The following CFAP299 variants were observed in gnomAD, a reference collection of about 807,000 sequenced individuals.
CFAP299 encodes cilia- and flagella-associated protein 299.
CFAP299 carries 21 observed loss-of-function variants against 27.0 expected under a neutral mutation model. That is an observed-to-expected ratio of 0.78 (90% CI 0.55 to 1.12). CFAP299 has a LOEUF of 1.12. Among genes scored for constraint, CFAP299 ranks in the 50% most tolerant of loss-of-function variants. CFAP299 has a pLI of 0.00. For synonymous variants in CFAP299, 104 were observed against 98.1 expected (o/e 1.06, Z -0.36); for missense variants, 310 against 276.6 (o/e 1.12, Z -0.86).
At chr4:80,613,242 AG>A (rs1738091600) in intron 3 of CFAP299, among the ~76,000 whole-genome samples, 1 of 152,118 alleles carries the variant, frequency 6.6e-6, no homozygotes, top group Non-Finnish European at 1.5e-5. Flanking sequence ...TTGTGCAGGA[AG>A]TAGAAAATTC....
intron 2 of CFAP299, among the ~76,000 whole-genome samples, chr4:80,562,367 G>A (rs1165861790): frequency 1.3e-5 from 2 of 152,016 alleles, no homozygotes; most frequent in African/African-American, 4.8e-5. Flanking sequence ...GGAGGCCAAG[G>A]AGGGCAGATC....
chr4:80,389,634 A>C (rs970762200), intron 2 of CFAP299, among the ~76,000 whole-genome samples: 1 of 152,184 alleles, frequency 6.6e-6, no homozygotes, highest in Admixed American at 6.5e-5. Context: ...TGACTCTATC[A>C]TTGAGAAAAC....
chr4:80,960,104 T>C (rs979511101), intron 5 of CFAP299, among the ~76,000 whole-genome samples: 2 of 149,760 alleles, frequency 1.3e-5, no homozygotes, highest in African/African-American at 2.5e-5. Context: ...GCAGATTACA[T>C]AGGAAGTTAA....
intron 2 of CFAP299, among the ~76,000 whole-genome samples, chr4:80,484,856 G>C (rs78493965): frequency 1.8e-4 from 27 of 152,206 alleles, no homozygotes; most frequent in African/African-American, 4.8e-4. Flanking sequence ...TGTGTCCTAT[G>C]TGAACTATGT....
At chr4:80,580,648 G>C (rs1018043644) in intron 2 of CFAP299, among the ~76,000 whole-genome samples, 1 of 151,860 alleles carries the variant, frequency 6.6e-6, no homozygotes, top group African/African-American at 2.4e-5. Flanking sequence ...TTTCTTTCCT[G>C]CTCTTATTTT....
chr4:80,640,864 A>T (rs1264489934), intron 3 of CFAP299, among the ~76,000 whole-genome samples: 3 of 152,210 alleles, frequency 2.0e-5, no homozygotes, highest in Non-Finnish European at 2.9e-5. Context: ...GCACATTATC[A>T]ATTACTTTGC....
Position 80,807,860 on chromosome 4 carries a change from G to C in CFAP299, c.334-62133G>C, listed in dbSNP as rs575687735. ...GTAAAAACATCATAACCCATTTCAA[G>C]GTGTGTCATAATTAAAGGGCAGGGA... On this transcript the variant is annotated intron_variant, in intron 3 of 5. Transcript: ENST00000358105. Among the ~76,000 whole-genome samples the C allele has an allele frequency of 2.0e-5, 3 of 152,046 alleles. No homozygotes were observed. In the South Asian group the frequency reaches 6.2e-4, roughly 32 times the overall value.
At chr4:80,397,119 G>A (rs1440278385) in intron 2 of CFAP299, among the ~76,000 whole-genome samples, 1 of 151,998 alleles carries the variant, frequency 6.6e-6, no homozygotes, top group Non-Finnish European at 1.5e-5. Context: ...GAGGGTGTAT[G>A]TGTCCAGGAA....
chr4:80,887,574 T>C (rs1344849005), intron 4 of CFAP299, among the ~76,000 whole-genome samples: 2 of 151,898 alleles, frequency 1.3e-5, no homozygotes, highest in Non-Finnish European at 2.9e-5. Flanking sequence ...CTAGAAGAAA[T>C]GCTAAAGAGA....
chr4:80,435,631 G>A (rs1454158464), intron 2 of CFAP299, among the ~76,000 whole-genome samples: 1 of 152,170 alleles, frequency 6.6e-6, no homozygotes, highest in African/African-American at 2.4e-5. Flanking sequence ...TGGCAAGGGA[G>A]GACACAAGAT....
At chr4:80,945,032 T>A in intron 5 of CFAP299, 93 bp downstream of exon 5, 1 of 1,213,272 alleles carries the variant, frequency 8.2e-7, no homozygotes. Flanking sequence ...TTGACACTCT[T>A]AAGTTGTTAA....
chr4:80,833,046 G>A (rs534671671), intron 3 of CFAP299, among the ~76,000 whole-genome samples: 38 of 151,932 alleles, frequency 2.5e-4, no homozygotes, highest in South Asian at 1.7e-3. Context: ...AAAGTATTAC[G>A]TTTTGTGATT....
Position 80,605,251 on chromosome 4 carries a change from T to A in CFAP299, c.333+22068T>A, listed in dbSNP as rs148486143. Among the ~76,000 whole-genome samples the A allele has an allele frequency of 6.8e-3, 1,035 of 152,298 alleles. 13 individuals carry two copies. The highest frequency in any genetic ancestry group is 0.024 in the African/African-American group (993 of 41,566). Reference sequence around the variant, plus strand: ...AGAAATACTTCTGGTGCAGATAAATTTTCTTTTGAACAACATTTAGTTTTC... The same window carrying A: ...AGAAATACTTCTGGTGCAGATAAATATTCTTTTGAACAACATTTAGTTTTC... On this transcript the variant is annotated intron_variant, in intron 3 of 5. Coordinates refer to ENST00000358105, the MANE Select transcript of CFAP299 (RefSeq NM_152770.3).
chr4:80,932,982 A>G (rs1036095919), intron 4 of CFAP299, among the ~76,000 whole-genome samples: 1 of 152,212 alleles, frequency 6.6e-6, no homozygotes, highest in Non-Finnish European at 1.5e-5. Flanking sequence ...TTAATATAAC[A>G]TCTTCTATAT....
At chr4:80,584,871 A>G (rs1192884664) in intron 3 of CFAP299, among the ~76,000 whole-genome samples, 2 of 152,080 alleles carry the variant, frequency 1.3e-5, no homozygotes, top group African/African-American at 4.8e-5. Context: ...GCAAGTGCTT[A>G]TGGAGCTTAC....
chr4:80,538,745 C>G (rs1471219608), intron 2 of CFAP299, among the ~76,000 whole-genome samples: 2 of 152,132 alleles, frequency 1.3e-5, no homozygotes, highest in Non-Finnish European at 2.9e-5. Flanking sequence ...GCTATACCAT[C>G]TAGGTTTGTA....
At chr4:80,415,723 C>T (rs1167360508) in intron 2 of CFAP299, among the ~76,000 whole-genome samples, 1 of 151,926 alleles carries the variant, frequency 6.6e-6, no homozygotes, top group East Asian at 1.9e-4. Flanking sequence ...TTAGTAAAAA[C>T]AAACTAAAAT....
chr4:80,579,804 A>G (rs2109867060), intron 2 of CFAP299, among the ~76,000 whole-genome samples: 1 of 152,240 alleles, frequency 6.6e-6, no homozygotes, highest in East Asian at 1.9e-4. Context: ...ATATATAGAT[A>G]CATTGTAGAC....
At chr4:80,767,047 T>C (rs1307007419) in intron 3 of CFAP299, among the ~76,000 whole-genome samples, 1 of 152,216 alleles carries the variant, frequency 6.6e-6, no homozygotes, top group East Asian at 1.9e-4. Flanking sequence ...CCTCAGTGAA[T>C]GCCTGAAGCA....
Sources: gnomAD v4.1 joint callset for allele counts (sites outside exome capture counted in the v4.1 genomes callset) on GRCh38, gnomAD v4.1.1 for gene constraint, MANE v1.5 for transcripts, NCBI Gene and HGNC (gene_info 2026-07-23, HGNC 2026-07-21) for gene names.